PCCA: variants seen among roughly 807,000 people sequenced by gnomAD.
PCCA encodes propionyl-CoA carboxylase alpha chain, mitochondrial.
Under a neutral mutation model 101.3 loss-of-function variants are expected in PCCA, and 74 were observed. The ratio of observed to expected loss-of-function variants is 0.73; its 90% CI spans 0.61 to 0.89. PCCA has a LOEUF of 0.89. Among genes scored for constraint, PCCA ranks in the 40% least tolerant of loss-of-function variants. PCCA has a pLI of 0.00. For synonymous variants in PCCA, 294 were observed against 313.6 expected, an observed-to-expected ratio of 0.94 and a Z score of 0.66; for missense variants, 891 against 907.0, an observed-to-expected ratio of 0.98 and a Z score of 0.23.
intron 7 of PCCA, among the ~76,000 whole-genome samples, chr13:100,224,375 G>C (rs1417341321): frequency 6.6e-6 from 1 of 152,238 alleles, no homozygotes; most frequent in African/African-American, 2.4e-5. Context: ...CGCCCACCCG[G>C]AACTCCAGCT....
chr13:100,193,127 C>T (rs147003985), intron 6 of PCCA, among the ~76,000 whole-genome samples: 166 of 152,266 alleles, frequency 1.1e-3, no homozygotes, highest in Non-Finnish European at 2.1e-3. Flanking sequence ...AAAGCAGAGG[C>T]CACTTGCACC....
chr13:100,219,700 G>T (rs1478838964), intron 7 of PCCA, among the ~76,000 whole-genome samples: 1 of 152,198 alleles, frequency 6.6e-6, no homozygotes, highest in East Asian at 1.9e-4. Flanking sequence ...AATTCGTCTT[G>T]TGAGTTGAAG....
At chr13:100,373,054 G>A (rs1366400243) in intron 19 of PCCA, among the ~76,000 whole-genome samples, 1 of 152,040 alleles carries the variant, frequency 6.6e-6, no homozygotes, top group Non-Finnish European at 1.5e-5. Flanking sequence ...CTCCCGATAA[G>A]AGTTTAATAT....
In PCCA at chr13:100,235,859, C is replaced by A; in HGVS notation, c.618C>A (p.Val206=). The change falls in exon 8 of 24, where the codon GTC becomes GTA. Residue 206 remains valine, a synonymous_variant. Transcript: ENST00000376285. ...DGVVKDAEEA[V]RIAREIGYPV... ...TTTTACAGGATGCAGAAGAAGCTGTCAGAATTGCAAGGGAAATTGGTAAGT... is the reference window on the plus strand; with the variant it reads ...TTTTACAGGATGCAGAAGAAGCTGTAAGAATTGCAAGGGAAATTGGTAAGT... The A allele has an allele frequency of 1.2e-6, 2 of 1,607,366 alleles. No homozygotes were observed. Among genetic ancestry groups the A allele is most frequent in the South Asian group, 2.2e-5 (2 of 90,860 alleles).
At chr13:100,120,108 C>T (rs954459132) in intron 4 of PCCA, among the ~76,000 whole-genome samples, 1 of 151,956 alleles carries the variant, frequency 6.6e-6, no homozygotes, top group African/African-American at 2.4e-5. Flanking sequence ...AGTGATCCAC[C>T]CGCCTCAGCC....
chr13:100,380,597 T>A (rs1236081041), intron 19 of PCCA, among the ~76,000 whole-genome samples: 1 of 152,180 alleles, frequency 6.6e-6, no homozygotes, highest in Non-Finnish European at 1.5e-5. Context: ...GAATAATCTC[T>A]TCAACAAATG....
chr13:100,414,065 T>C (rs1217423164), intron 19 of PCCA, among the ~76,000 whole-genome samples: 2 of 152,374 alleles, frequency 1.3e-5, no homozygotes, highest in Non-Finnish European at 2.9e-5. Context: ...CCTGACTGAT[T>C]GTAGACCAAT....
At position 100,273,283 on chromosome 13, in the gene PCCA, C is replaced by T. The variant is rs150106872; in HGVS notation, c.1002C>T (p.Thr334=). 1.0e-4 allele frequency: 168 copies of T among 1,611,874 alleles called. No individual in the cohort carries two copies. In the African/African-American group the frequency reaches 1.1e-3, roughly 11 times the overall value. ...ARAVKYSSAG[T]VEFLVDSKKN... is the part of the protein sequence containing the mutation. ...CAGTAAAATATTCCTCTGCTGGGAC[C>T]GTGGAGTTCCTTGTGGACTCTAAGA... The change falls in exon 12 of 24, where the codon ACC becomes ACT. Residue 334 remains threonine, a synonymous_variant. Coordinates refer to ENST00000376285, the MANE Select transcript of PCCA (RefSeq NM_000282.4).
Position 100,307,194 on chromosome 13 carries a change from C to G in PCCA, c.1287C>G (p.Val429=). The change falls in exon 15 of 24, where the codon GTC becomes GTG. Residue 429 remains valine, a splice_region_variant and synonymous_variant. Coordinates refer to ENST00000376285, the MANE Select transcript of PCCA (RefSeq NM_000282.4). ...CTTTTTTTCTTTTTTTCTCCCAGGT[C>G]CGAGTGGACAGTGGCATCCAACCAG... ...QYQEPLHLPG[V]RVDSGIQPGS... The G allele has an allele frequency of 6.2e-7, 1 of 1,607,908 alleles. No individual in the cohort carries two copies. The highest frequency in any genetic ancestry group is 8.5e-7 in the Non-Finnish European group (1 of 1,175,528).
chr13:100,293,122 C>A, intron 12 of PCCA: 1 of 425,192 alleles, frequency 2.4e-6, no homozygotes, highest in Middle Eastern at 3.5e-4. Flanking sequence ...ATTAAAACCC[C>A]AAACATGGTC....
intron 6 of PCCA, among the ~76,000 whole-genome samples, chr13:100,158,263 G>A (rs1043962588): frequency 6.6e-6 from 1 of 152,236 alleles, no homozygotes; most frequent in African/African-American, 2.4e-5. Flanking sequence ...TGTCATACGT[G>A]TGGTGCCTCA....
chr13:100,134,741 A>G (rs980938954), intron 4 of PCCA, among the ~76,000 whole-genome samples: 1 of 151,790 alleles, frequency 6.6e-6, no homozygotes, highest in Non-Finnish European at 1.5e-5. Flanking sequence ...TTTTGTAGAG[A>G]CAGGGTCTCC....
intron 22 of PCCA, among the ~76,000 whole-genome samples, chr13:100,518,863 T>A (rs1373088518): frequency 3.9e-5 from 6 of 152,250 alleles, no homozygotes; most frequent in Non-Finnish European, 7.3e-5. Flanking sequence ...ATGACTCAGC[T>A]GTTTCAAACT....
intron 17 of PCCA, among the ~76,000 whole-genome samples, chr13:100,339,151 A>T (rs2070939943): frequency 6.6e-6 from 1 of 152,142 alleles, no homozygotes; most frequent in Non-Finnish European, 1.5e-5. Context: ...GTTACTTATA[A>T]TGCGTAGTAC....
chr13:100,487,207 G>A (rs2084451070), intron 21 of PCCA, among the ~76,000 whole-genome samples: 1 of 152,190 alleles, frequency 6.6e-6, no homozygotes, highest in African/African-American at 2.4e-5. Context: ...ATTGTTACCT[G>A]TATAATAGAA....
intron 6 of PCCA, among the ~76,000 whole-genome samples, chr13:100,199,020 G>T (rs142954161): frequency 2.0e-5 from 3 of 151,538 alleles, no homozygotes; most frequent in Non-Finnish European, 2.9e-5. Context: ...CTCCTAGTCC[G>T]TGTGTTGATT....
intron 8 of PCCA, among the ~76,000 whole-genome samples, chr13:100,246,048 A>G (rs888526822): frequency 2.5e-4 from 38 of 152,194 alleles, no homozygotes; most frequent in Non-Finnish European, 8.8e-5. Flanking sequence ...GGGCAAGAGG[A>G]TTCAGCCTTT....
chr13:100,209,422 G>A lies in PCCA; in HGVS notation c.559G>A (p.Ala187Thr), dbSNP rs772160448. Residue 187 changes from alanine (A) to threonine (T), a missense_variant, in exon 7 of 24, where the codon GCA becomes ACA. By Grantham distance (58) the Ala-to-Thr change is moderately conservative (BLOSUM62 0). Transcript: ENST00000376285. ...KIESKLLAKK[A>T]EVNTIPGFDG... ...TGAAAGCAAATTATTAGCTAAGAAA[G>A]CAGAGGTTAATACAATCCCTGGCTT... 2.5e-6 allele frequency: 4 copies of A among 1,613,558 alleles called. No homozygotes were observed. In the South Asian group the frequency reaches 4.4e-5, roughly 18 times the overall value.
At chr13:100,367,646 T>TG (rs1312770334) in intron 18 of PCCA, among the ~76,000 whole-genome samples, 3 of 140,634 alleles carry the variant, frequency 2.1e-5, no homozygotes, top group African/African-American at 7.8e-5. Flanking sequence ...TTTTTTTTTG[T>TG]TTTTTTTTTT....
Sources: gnomAD v4.1 joint callset for allele counts (sites outside exome capture counted in the v4.1 genomes callset) on GRCh38, gnomAD v4.1.1 for gene constraint, MANE v1.5 for transcripts, NCBI Gene and HGNC (gene_info 2026-07-23, HGNC 2026-07-21) for gene names.